EXOC6B: variants seen among roughly 807,000 people sequenced by gnomAD.
EXOC6B encodes SEC15 homolog B.
In EXOC6B, 54 loss-of-function variants were observed where a neutral mutation model predicts 113.5. That is an observed-to-expected ratio of 0.48 (90% confidence interval 0.38 to 0.60). The LOEUF (loss-of-function observed/expected upper bound fraction) is 0.60. Ranked by LOEUF, EXOC6B falls within the 20% of genes least tolerant of loss-of-function variation. The probability of loss-of-function intolerance (pLI) is 0.00; values close to 1 mark genes in which losing one functional copy is unlikely to be tolerated. For synonymous variants in EXOC6B, 357 were observed against 339.0 expected, an observed-to-expected ratio of 1.05 and a Z score of -0.58; for missense variants, 797 against 977.5, an observed-to-expected ratio of 0.82 and a Z score of 2.46.
chr2:72,475,982 T>C (rs2105467946), intron 17 of EXOC6B, among the ~76,000 whole-genome samples: 1 of 152,304 alleles, frequency 6.6e-6, no homozygotes, highest in East Asian at 1.9e-4. Context: ...TCAGCCCCAG[T>C]ACCAGTGGTC....
At chr2:72,568,196 G>A (rs1195565730) in intron 7 of EXOC6B, among the ~76,000 whole-genome samples, 1 of 151,912 alleles carries the variant, frequency 6.6e-6, no homozygotes, top group East Asian at 1.9e-4. Flanking sequence ...ACAACGAGAT[G>A]TACCTGAACA....
chr2:72,416,917 T>C (rs1286669454), intron 18 of EXOC6B, among the ~76,000 whole-genome samples: 2 of 152,122 alleles, frequency 1.3e-5, no homozygotes, highest in African/African-American at 4.8e-5. Flanking sequence ...GGTGTTTTGG[T>C]AACAATACCA....
intron 8 of EXOC6B, among the ~76,000 whole-genome samples, chr2:72,520,349 T>C (rs1187252479): frequency 1.3e-5 from 2 of 152,226 alleles, no homozygotes; most frequent in East Asian, 3.8e-4. Flanking sequence ...CATCTCCTCA[T>C]GTAATTTTTC....
At chr2:72,503,199 A>G (rs572898593) in intron 11 of EXOC6B, among the ~76,000 whole-genome samples, 28 of 152,318 alleles carry the variant, frequency 1.8e-4, no homozygotes, top group South Asian at 1.4e-3. Context: ...ACACAAAATT[A>G]TTAAACAAAA....
intron 7 of EXOC6B, among the ~76,000 whole-genome samples, chr2:72,565,609 A>C (rs1393305099): frequency 1.3e-5 from 2 of 152,118 alleles, no homozygotes; most frequent in Non-Finnish European, 2.9e-5. Flanking sequence ...ATGAAGAAAA[A>C]AACCAAAATC....
At chr2:72,637,702 A>T (rs1265468928) in intron 6 of EXOC6B, among the ~76,000 whole-genome samples, 1 of 151,992 alleles carries the variant, frequency 6.6e-6, no homozygotes, top group Non-Finnish European at 1.5e-5. Context: ...AGGCATGAGG[A>T]TAGCTTGAGC....
At chr2:72,753,578 C>G (rs1055547232) in intron 1 of EXOC6B, among the ~76,000 whole-genome samples, 1 of 152,102 alleles carries the variant, frequency 6.6e-6, no homozygotes, top group African/African-American at 2.4e-5. Context: ...ACTTCTTTGA[C>G]AGTAATTTTT....
At chr2:72,675,553 G>A (rs1414568582) in intron 6 of EXOC6B, among the ~76,000 whole-genome samples, 4 of 152,192 alleles carry the variant, frequency 2.6e-5, no homozygotes, top group Non-Finnish European at 5.9e-5. Flanking sequence ...AGCACTTTGG[G>A]AGGCCGAGGC....
At chr2:72,594,049 C>T (rs893947878) in intron 6 of EXOC6B, among the ~76,000 whole-genome samples, 2 of 152,130 alleles carry the variant, frequency 1.3e-5, no homozygotes, top group African/African-American at 2.4e-5. Flanking sequence ...GACATGAACA[C>T]AGCTCATTGC....
intron 6 of EXOC6B, among the ~76,000 whole-genome samples, chr2:72,613,647 C>T (rs1303646766): frequency 6.6e-6 from 1 of 151,726 alleles, no homozygotes; most frequent in African/African-American, 2.4e-5. Flanking sequence ...GATTATGAAA[C>T]TAGCAACATA....
intron 6 of EXOC6B, among the ~76,000 whole-genome samples, chr2:72,677,317 G>A (rs747661911): frequency 9.9e-5 from 15 of 152,132 alleles, no homozygotes; most frequent in Non-Finnish European, 1.8e-4. Flanking sequence ...GATCCCTTGA[G>A]CCCAGGAGTT....
intron 8 of EXOC6B, among the ~76,000 whole-genome samples, chr2:72,536,544 T>C (rs533649649): frequency 3.7e-4 from 56 of 152,328 alleles, no homozygotes; most frequent in African/African-American, 1.3e-3. Flanking sequence ...TAGATGTACA[T>C]ATTTTTGGGG....
intron 16 of EXOC6B, among the ~76,000 whole-genome samples, chr2:72,489,817 G>A (rs1699643004): frequency 6.6e-6 from 1 of 152,136 alleles, no homozygotes; most frequent in Admixed American, 6.5e-5. Flanking sequence ...TGTTCTAGTG[G>A]TGCTAAAACT....
intron 6 of EXOC6B, among the ~76,000 whole-genome samples, chr2:72,599,660 G>GA (rs576418805): frequency 8.9e-5 from 13 of 146,346 alleles, no homozygotes; most frequent in South Asian, 6.6e-4. Context: ...ATCACAAGGG[G>GA]AAAAAAAAAA....
At chr2:72,335,420 T>C (rs1488153887) in intron 19 of EXOC6B, 1 of 160,392 alleles carries the variant, frequency 6.2e-6, no homozygotes, top group African/African-American at 2.4e-5. Flanking sequence ...ATATTTTAGA[T>C]CGCTGAAGGA....
intron 19 of EXOC6B, among the ~76,000 whole-genome samples, chr2:72,338,748 C>T (rs987531342): frequency 1.3e-4 from 20 of 151,910 alleles, no homozygotes; most frequent in African/African-American, 4.8e-4. Flanking sequence ...AAATATAATA[C>T]GCACAGAAAA....
intron 8 of EXOC6B, among the ~76,000 whole-genome samples, chr2:72,541,755 T>C (rs1702616562): frequency 6.6e-6 from 1 of 152,196 alleles, no homozygotes; most frequent in Non-Finnish European, 1.5e-5. Context: ...AAAAGAAATG[T>C]TTCTTTATGA....
At chr2:72,248,389 G>A (rs1021980133) in intron 20 of EXOC6B, among the ~76,000 whole-genome samples, 2 of 152,006 alleles carry the variant, frequency 1.3e-5, no homozygotes, top group South Asian at 2.1e-4. Context: ...ATCTGGATTC[G>A]TAAAACTGTA....
At chr2:72,366,593 G>T (rs190808024) in intron 19 of EXOC6B, among the ~76,000 whole-genome samples, 14 of 152,086 alleles carry the variant, frequency 9.2e-5, no homozygotes, top group African/African-American at 3.4e-4. Context: ...CAAACTCAAT[G>T]AATTCTAAGC....
Sources: allele counts gnomAD v4.1 joint callset (sites outside exome capture counted in the v4.1 genomes callset), GRCh38; gene constraint gnomAD v4.1.1; transcripts MANE v1.5; gene names NCBI Gene and HGNC (gene_info 2026-07-23, HGNC 2026-07-21).